MYO5A: variants seen among roughly 807,000 people sequenced by gnomAD.
The protein encoded by MYO5A is myosin VA, also known as unconventional myosin-Va.
In MYO5A, 98 loss-of-function variants were observed where a neutral mutation model predicts 249.7. That is an observed-to-expected ratio of 0.39 (90% CI 0.33 to 0.46). The LOEUF is 0.46. MYO5A is among the 20% of genes least tolerant of loss of function. The probability of loss-of-function intolerance (pLI) is 0.98; values close to 1 mark genes in which losing one functional copy is unlikely to be tolerated. For synonymous variants in MYO5A, 778 were observed against 810.6 expected (o/e 0.96, Z 0.68); for missense variants, 1,696 against 2,308.8 (o/e 0.73, Z 5.44).
chr15:52,330,067 G>C (rs754810789), intron 35 of MYO5A, among the ~76,000 whole-genome samples: 1 of 151,280 alleles, frequency 6.6e-6, no homozygotes, highest in Non-Finnish European at 1.5e-5. Flanking sequence ...AAGAGGGAGA[G>C]AGATACATCA....
At chr15:52,527,532 G>T (rs975742416) in intron 1 of MYO5A, among the ~76,000 whole-genome samples, 6 of 152,102 alleles carry the variant, frequency 3.9e-5, no homozygotes, top group Non-Finnish European at 5.9e-5. Flanking sequence ...TCTCATATTT[G>T]CAGAGAAATT....
Position 52,353,864 on chromosome 15 carries a change from T to C in MYO5A, c.3567+7A>G, listed in dbSNP as rs2040074457. On this transcript the variant is annotated splice_region_variant and intron_variant, in intron 26 of 41. Transcript: ENST00000399233. ...CTTCAGCTCTGCGGATGGGCTGTGC[T>C]GCGCACCTTGGCCTTGCTGCGGAGC... 2 of 1,613,560 alleles carry C rather than the reference T, an allele frequency of 1.2e-6. No individual in the cohort carries two copies. The highest frequency in any genetic ancestry group is 1.3e-5 in the African/African-American group (1 of 75,076).
intron 23 of MYO5A, among the ~76,000 whole-genome samples, chr15:52,366,488 A>G (rs2040812838): frequency 6.6e-6 from 1 of 151,974 alleles, no homozygotes; most frequent in African/African-American, 2.4e-5. Context: ...GATTCCTTAT[A>G]AACTTATCAC....
At chr15:52,335,917 T>G (rs1353859834) in intron 34 of MYO5A, among the ~76,000 whole-genome samples, 1 of 152,192 alleles carries the variant, frequency 6.6e-6, no homozygotes, top group Non-Finnish European at 1.5e-5. Context: ...TCAGTAACTT[T>G]TCTAAGTGTA....
intron 30 of MYO5A, among the ~76,000 whole-genome samples, chr15:52,345,723 G>C (rs903390370): frequency 6.6e-6 from 1 of 152,154 alleles, no homozygotes; most frequent in African/African-American, 2.4e-5. Context: ...ATTGAGGGCT[G>C]ACTGCACCTT....
At chr15:52,390,115 T>C (rs1306260324) in intron 12 of MYO5A, among the ~76,000 whole-genome samples, 1 of 152,104 alleles carries the variant, frequency 6.6e-6, no homozygotes, top group Non-Finnish European at 1.5e-5. Context: ...AGATAAAGAA[T>C]AGAAAGATGG....
chr15:52,359,820 T>C (rs2040428562), intron 25 of MYO5A, 148 bp downstream of exon 25: 2 of 660,504 alleles, frequency 3.0e-6, no homozygotes, highest in Non-Finnish European at 2.7e-6. Flanking sequence ...GTAAATAAGT[T>C]TGTATCTACA....
rs189346357 is a variant in MYO5A, at chr15:52,476,727, C to T, written c.28-43442G>A. ...AGATTGTTGAATATTGGTCCCCACTCTCTTCTGGCTTGTAGAGTTTCTGCC... is the reference window on the plus strand; with the variant it reads ...AGATTGTTGAATATTGGTCCCCACTTTCTTCTGGCTTGTAGAGTTTCTGCC... On this transcript the variant is annotated intron_variant, in intron 1 of 41. Transcript: ENST00000399233. 4.5e-4 allele frequency among the ~76,000 whole-genome samples: 68 copies of T among 152,334 alleles called. 1 individual carries two copies. The East Asian group carries it at 7.1e-3, about 16-fold the overall frequency.
At chr15:52,497,193 A>G (rs2077055163) in intron 1 of MYO5A, among the ~76,000 whole-genome samples, 1 of 152,060 alleles carries the variant, frequency 6.6e-6, no homozygotes, top group Non-Finnish European at 1.5e-5. Flanking sequence ...AACTCCTGAG[A>G]TCAAGGGATC....
intron 1 of MYO5A, among the ~76,000 whole-genome samples, chr15:52,465,508 C>G (rs1483561171): frequency 6.6e-6 from 1 of 151,908 alleles, no homozygotes; most frequent in Non-Finnish European, 1.5e-5. Flanking sequence ...AAGCAAAGTC[C>G]CTTAATGTAT....
chr15:52,471,964 G>A (rs1017577767), intron 1 of MYO5A, among the ~76,000 whole-genome samples: 4 of 152,050 alleles, frequency 2.6e-5, no homozygotes, highest in Non-Finnish European at 4.4e-5. Flanking sequence ...CTCTTAAAGT[G>A]CTAGGATTAC....
chr15:52,484,886 A>AT lies in MYO5A; in HGVS notation c.27+43893dup, dbSNP rs557532358. Among the ~76,000 whole-genome samples the AT allele has an allele frequency of 6.6e-5, 10 of 151,390 alleles. No individual in the cohort carries two copies. In the South Asian group the frequency reaches 1.3e-3, roughly 19 times the overall value. On this transcript the variant is annotated intron_variant, in intron 1 of 41. Transcript: ENST00000399233. ...ACAATTTTTCGCTGCTCCTGGATGA[A>AT]TTTTTTTGTATTTTTAGTAGCGATG... is the stretch of plus-strand genomic sequence containing the variant.
intron 21 of MYO5A, among the ~76,000 whole-genome samples, chr15:52,371,439 C>G (rs1374113932): frequency 1.3e-5 from 2 of 152,168 alleles, no homozygotes; most frequent in African/African-American, 4.8e-5. Flanking sequence ...GTAAAATGAA[C>G]ATGATACCAC....
intron 35 of MYO5A, 104 bp downstream of exon 35, chr15:52,330,249 A>T: frequency 7.0e-7 from 1 of 1,436,150 alleles, no homozygotes; most frequent in African/African-American, 1.4e-5. Flanking sequence ...TCTGATGATG[A>T]CTAATGAAAC....
rs5812601 is a variant in MYO5A, at chr15:52,369,869, CT to C, written c.3066+299del. The stretch of plus-strand genomic sequence containing the variant: ...AAAAGGAGTCTATGCCCCAGACTGA[CT>C]TTTTTTTTTTTTTTTTTTTTTTAAT... On this transcript the variant is annotated intron_variant, in intron 22 of 41. Transcript: ENST00000399233. Among the ~76,000 whole-genome samples, 63,727 of 93,186 alleles carry C rather than the reference CT, an allele frequency of 0.68. 22,465 individuals carry two copies. The highest frequency in any genetic ancestry group is 0.85 in the East Asian group (2,500 of 2,934). 61.1% of individuals were successfully genotyped at this position (93,186 alleles called of 152,430 possible). A position where few individuals can be genotyped will look rare whatever the true frequency, so the allele number is the denominator to read the frequency against.
intron 2 of MYO5A, 103 bp downstream of exon 2, chr15:52,433,072 G>C: frequency 1.1e-6 from 1 of 883,714 alleles, no homozygotes; most frequent in Non-Finnish European, 1.9e-6. Flanking sequence ...TTCTAGGTAA[G>C]TTCAAAATTT....
chr15:52,412,424 A>T (rs2043290373), intron 5 of MYO5A, among the ~76,000 whole-genome samples: 1 of 152,246 alleles, frequency 6.6e-6, no homozygotes, highest in African/African-American at 2.4e-5. Flanking sequence ...AATGGTAAAA[A>T]GAACAAATGA....
intron 36 of MYO5A, among the ~76,000 whole-genome samples, chr15:52,326,387 A>G (rs2038606638): frequency 6.6e-6 from 1 of 152,262 alleles, no homozygotes; most frequent in Non-Finnish European, 1.5e-5. Flanking sequence ...ACTAAAAATA[A>G]AATGAATTAT....
rs756257835 is a variant in MYO5A at position 52,384,260 on chromosome 15, G to A, written c.1815C>T (p.Thr605=). 5.6e-6 allele frequency: 9 copies of A among 1,614,174 alleles called. No homozygotes were observed. In the Admixed American group the frequency reaches 1.3e-4, roughly 24 times the overall value. The part of the protein sequence containing the change: ...DEKAISPTSA[T]SSGRTPLTRT... ...GTGTGAGGGGTGTGCGCCCTGAGGAGGTGGCTGAAGTTGGACTGATGGCCT... is the reference window on the plus strand; with the variant it reads ...GTGTGAGGGGTGTGCGCCCTGAGGAAGTGGCTGAAGTTGGACTGATGGCCT... The change falls in exon 15 of 42, where the codon ACC becomes ACT. Residue 605 remains threonine, a synonymous_variant. Transcript: ENST00000399233.
Sources: allele counts gnomAD v4.1 joint callset (sites outside exome capture counted in the v4.1 genomes callset), GRCh38; gene constraint gnomAD v4.1.1; transcripts MANE v1.5; gene names NCBI Gene and HGNC (gene_info 2026-07-23, HGNC 2026-07-21).